LUZP2: variants seen among roughly 807,000 people sequenced by gnomAD.
LUZP2 encodes the protein leucine zipper protein 2.
Under a neutral mutation model 51.6 loss-of-function variants are expected in LUZP2, and 52 were observed. The observed-to-expected ratio is 1.01, with a 90% CI of 0.81 to 1.27. The LOEUF (loss-of-function observed/expected upper bound fraction) is 1.27, where lower values mean the gene tolerates loss of function less well. Among genes scored for constraint, LUZP2 ranks in the 50% most tolerant of loss-of-function variants. LUZP2 has a pLI of 0.00. For synonymous variants in LUZP2, 154 were observed against 137.3 expected, an observed-to-expected ratio of 1.12 and a Z score of -0.85; for missense variants, 436 against 395.4, an observed-to-expected ratio of 1.10 and a Z score of -0.87.
chr11:24,975,916 C>T (rs1855869200), intron 7 of LUZP2, among the ~76,000 whole-genome samples: 1 of 151,854 alleles, frequency 6.6e-6, no homozygotes, highest in Non-Finnish European at 1.5e-5. Context: ...TAACAAAATA[C>T]CATCGACTAG....
chr11:24,708,933 T>C (rs1345889838), intron 1 of LUZP2, among the ~76,000 whole-genome samples: 1 of 152,198 alleles, frequency 6.6e-6, no homozygotes, highest in African/African-American at 2.4e-5. Flanking sequence ...CCCAGCTCTA[T>C]CATTAATTAC....
intron 1 of LUZP2, among the ~76,000 whole-genome samples, chr11:24,582,344 G>A (rs1852893175): frequency 7.7e-6 from 1 of 129,492 alleles, no homozygotes; most frequent in African/African-American, 3.0e-5. Context: ...AGACATCTGA[G>A]AGATTAATAG....
chr11:24,979,155 G>A (rs1317668733), intron 8 of LUZP2, among the ~76,000 whole-genome samples: 1 of 151,748 alleles, frequency 6.6e-6, no homozygotes, highest in Non-Finnish European at 1.5e-5. Flanking sequence ...ACAATGCCTG[G>A]AAAACATTCA....
intron 1 of LUZP2, among the ~76,000 whole-genome samples, chr11:24,673,421 C>T (rs1025688137): frequency 1.3e-5 from 2 of 152,168 alleles, no homozygotes; most frequent in Non-Finnish European, 2.9e-5. Flanking sequence ...TTAGTCCTTA[C>T]ATCTGGTTCT....
intron 1 of LUZP2, among the ~76,000 whole-genome samples, chr11:24,678,180 G>A (rs991216732): frequency 3.3e-5 from 5 of 151,786 alleles, no homozygotes; most frequent in African/African-American, 1.2e-4. Flanking sequence ...GATCATACTG[G>A]GTATTTTAAT....
At chr11:24,914,424 A>C (rs1014287212) in intron 6 of LUZP2, 52 bp from the exon 7 acceptor site, 2 of 1,316,032 alleles carry the variant, frequency 1.5e-6, no homozygotes, top group South Asian at 1.2e-5. Context: ...TTAATCTTCA[A>C]GTTTGAAAAT....
At chr11:24,568,351 C>T (rs961150348) in intron 1 of LUZP2, among the ~76,000 whole-genome samples, 7 of 69,418 alleles carry the variant, frequency 1.0e-4, no homozygotes, top group Admixed American at 5.8e-4. Context: ...GAGAATCTGT[C>T]TCAGAAAAAA....
At chr11:24,855,537 T>C (rs1851535596) in intron 5 of LUZP2, among the ~76,000 whole-genome samples, 1 of 152,194 alleles carries the variant, frequency 6.6e-6, no homozygotes, top group African/African-American at 2.4e-5. Context: ...ATGGCAATAG[T>C]GTACAAAGCA....
chr11:24,888,684 G>A (rs1379448524), intron 5 of LUZP2, among the ~76,000 whole-genome samples: 2 of 152,004 alleles, frequency 1.3e-5, no homozygotes, highest in African/African-American at 4.8e-5. Flanking sequence ...ATATTGTTAG[G>A]CTTTGTGTCC....
Position 24,841,501 on chromosome 11 carries a change from G to C in LUZP2, c.397-64490G>C, listed in dbSNP as rs1851032540. On this transcript the variant is annotated intron_variant, in intron 5 of 11. Transcript: ENST00000336930. ...GGTAAGAATTCAAAAAAGGTAAAGT[G>C]GTAGCAGGTAGAATTCTACTTCCTG... is the stretch of plus-strand genomic sequence containing the variant. Among the ~76,000 whole-genome samples the C allele has an allele frequency of 2.0e-5, 3 of 151,994 alleles. 1 individual carries two copies. The South Asian group carries it at 6.2e-4, about 32-fold the overall frequency.
chr11:24,622,895 T>G (rs1854546267), intron 1 of LUZP2, among the ~76,000 whole-genome samples: 1 of 152,204 alleles, frequency 6.6e-6, no homozygotes, highest in Non-Finnish European at 1.5e-5. Flanking sequence ...CAAACTGTCT[T>G]TTTTACTTTC....
intron 5 of LUZP2, among the ~76,000 whole-genome samples, chr11:24,857,213 A>G (rs1050629823): frequency 6.6e-6 from 1 of 150,448 alleles, no homozygotes; most frequent in African/African-American, 2.4e-5. Flanking sequence ...CATATTCCTT[A>G]ATTGTTTACA....
intron 5 of LUZP2, among the ~76,000 whole-genome samples, chr11:24,854,482 G>GGAAGACAAC (rs1465302940): frequency 6.6e-6 from 1 of 152,154 alleles, no homozygotes. Context: ...TCAAGCTTGA[G>GGAAGACAAC]CATACCAGGT....
At chr11:24,530,762 C>CTTTTTTTT (rs367857815) in intron 1 of LUZP2, among the ~76,000 whole-genome samples, 42 of 75,332 alleles carry the variant, frequency 5.6e-4, no homozygotes, top group East Asian at 2.2e-3. Context: ...CTTCTTCTTA[C>CTTTTTTTT]TTTTTTTTTT....
chr11:25,078,436 T>C, intron 11 of LUZP2, 118 bp from the exon 12 acceptor site: 1 of 715,368 alleles, frequency 1.4e-6, no homozygotes, highest in Non-Finnish European at 2.3e-6. Context: ...GTTCATTTTC[T>C]CTAAGATATT....
At chr11:24,756,469 G>A (rs1859777863) in intron 4 of LUZP2, among the ~76,000 whole-genome samples, 1 of 152,158 alleles carries the variant, frequency 6.6e-6, no homozygotes, top group Non-Finnish European at 1.5e-5. Flanking sequence ...GTAACCAAAT[G>A]CAGCATAACT....
intron 1 of LUZP2, among the ~76,000 whole-genome samples, chr11:24,506,959 G>A (rs1850163170): frequency 6.6e-6 from 1 of 151,974 alleles, no homozygotes; most frequent in Non-Finnish European, 1.5e-5. Context: ...AAACCATACT[G>A]GCAAAGGACT....
At chr11:24,526,443 T>A (rs1264804078) in intron 1 of LUZP2, among the ~76,000 whole-genome samples, 1 of 107,412 alleles carries the variant, frequency 9.3e-6, no homozygotes, top group Non-Finnish European at 2.0e-5. Flanking sequence ...ACAATTTTAA[T>A]CCTACTCTCT....
intron 7 of LUZP2, among the ~76,000 whole-genome samples, chr11:24,974,416 G>A (rs752643450): frequency 1.3e-4 from 20 of 151,808 alleles, no homozygotes; most frequent in Non-Finnish European, 2.4e-4. Context: ...TTTAATTGGG[G>A]CATTTAGCCC....
Sources: allele counts gnomAD v4.1 joint callset (sites outside exome capture counted in the v4.1 genomes callset), GRCh38; gene constraint gnomAD v4.1.1; transcripts MANE v1.5; gene names NCBI Gene and HGNC (gene_info 2026-07-23, HGNC 2026-07-21).